The following RGS12 variants were observed in gnomAD, a reference collection of about 807,000 sequenced individuals.
The protein encoded by RGS12 is regulator of G-protein signaling 12.
A neutral mutation model predicts 120.1 loss-of-function variants in RGS12; 66 were observed. That is an observed-to-expected ratio of 0.55 (90% CI 0.45 to 0.67). RGS12 has a LOEUF of 0.67. Ranked by LOEUF, RGS12 falls within the 30% of genes least tolerant of loss-of-function variation. The pLI is 0.00. For missense variants in RGS12, 1,859 were observed against 1,957.7 expected (o/e 0.95, Z 0.95); for synonymous variants, 827 against 804.7 (o/e 1.03, Z -0.47).
At chr4:3,363,681 AC>A (rs1352897054) in intron 3 of RGS12, among the ~76,000 whole-genome samples, 1 of 151,858 alleles carries the variant, frequency 6.6e-6, no homozygotes, top group East Asian at 1.9e-4. Context: ...CAGCGCGTGG[AC>A]CTGCCGGCCC....
At position 3,414,852 on chromosome 4, in the gene RGS12, C is replaced by A; in HGVS notation, c.2283+8C>A. The A allele has an allele frequency of 6.2e-7, 1 of 1,603,158 alleles. No individual in the cohort carries two copies. Among genetic ancestry groups the A allele is most frequent in the South Asian group, 1.1e-5 (1 of 90,890 alleles). ...GCACATGACAAAAAGGAGGTAAGTC[C>A]ACGCTTGGGAAGTGGGGGCTGTGTG... On this transcript the variant is annotated splice_region_variant and intron_variant, in intron 6 of 17. Transcript: ENST00000336727.
rs1318970691 is a variant in RGS12, at chr4:3,389,044, G to C, written c.2020+2607G>C. Among the ~76,000 whole-genome samples, 1 of 152,212 alleles carries C rather than the reference G, an allele frequency of 6.6e-6. No homozygotes were observed. The highest frequency in any genetic ancestry group is 1.5e-5 in the Non-Finnish European group (1 of 68,052). ...ATTTTGTGTTCAACGAGCCGTGCCAGTGAGAGAGTTCGTGTTCATGCCACG... is the reference window on the plus strand; with the variant it reads ...ATTTTGTGTTCAACGAGCCGTGCCACTGAGAGAGTTCGTGTTCATGCCACG... On this transcript the variant is annotated intron_variant, in intron 4 of 17. Transcript: ENST00000336727. This position sits in a 1 kb window ranked among gnomAD's most constrained non-coding sequence, Gnocchi z 5.2.
intron 3 of RGS12, among the ~76,000 whole-genome samples, chr4:3,355,424 A>G (rs1325069314): frequency 6.6e-6 from 1 of 152,242 alleles, no homozygotes; most frequent in Non-Finnish European, 1.5e-5. Flanking sequence ...AAGTTTAAAA[A>G]GCTTGCAAAG....
chr4:3,296,693 C>G (rs144683464), intron 1 of RGS12, among the ~76,000 whole-genome samples: 1 of 152,316 alleles, frequency 6.6e-6, no homozygotes, highest in African/African-American at 2.4e-5. Flanking sequence ...CCATTGTGTG[C>G]GAGGAGCACC....
chr4:3,362,469 T>C (rs1429982938), intron 3 of RGS12, among the ~76,000 whole-genome samples: 7 of 130,402 alleles, frequency 5.4e-5, no homozygotes, highest in Non-Finnish European at 1.2e-4. Context: ...AGGGTGTGTG[T>C]GAGGGTGTGT....
At chr4:3,349,117 C>A (rs1007091749) in intron 3 of RGS12, among the ~76,000 whole-genome samples, 31 of 152,102 alleles carry the variant, frequency 2.0e-4, no homozygotes, top group Non-Finnish European at 3.7e-4. Flanking sequence ...CATAAGCGAC[C>A]ACGTTTTTTG....
At position 3,317,041 on chromosome 4, in the gene RGS12, G is replaced by A. The variant is rs139520416; in HGVS notation, c.871G>A (p.Val291Met). ...VQLSTDKAGV[V>M]AEYPAEKLAF... Reference sequence around the variant, plus strand: ...GCTGAGCACTGACAAGGCTGGAGTCGTGGCCGAGTACCCGGCCGAGAAGCT... The same window carrying A: ...GCTGAGCACTGACAAGGCTGGAGTCATGGCCGAGTACCCGGCCGAGAAGCT... The change falls in exon 2 of 18, where the codon GTG (valine) becomes ATG (methionine). Residue 291 changes from valine (V) to methionine (M), a missense_variant. Transcript: ENST00000336727. The A allele has an allele frequency of 2.8e-4, 455 of 1,613,682 alleles. No individual in the cohort carries two copies. The African/African-American group carries it at 4.5e-3, about 16-fold the overall frequency.
At chr4:3,419,511 T>TAAAC (rs34215346) in intron 9 of RGS12, 2 of 151,256 alleles carry the variant, frequency 1.3e-5, no homozygotes, top group African/African-American at 4.9e-5. Context: ...AATAAATAAA[T>TAAAC]GAAAGCAAAC....
chr4:3,429,113 G>A (rs909690938), intron 16 of RGS12, among the ~76,000 whole-genome samples: 1 of 152,242 alleles, frequency 6.6e-6, no homozygotes, highest in Non-Finnish European at 1.5e-5. Context: ...GCACCCAGGT[G>A]AGGGGAGGTG....
At position 3,371,746 on chromosome 4, in the gene RGS12, C is replaced by T. The variant is rs926403951; in HGVS notation, c.1999-14670C>T. On this transcript the variant is annotated intron_variant, in intron 3 of 17. Coordinates refer to ENST00000336727, the MANE Select transcript of RGS12 (RefSeq NM_001394154.1). Reference sequence around the variant, plus strand: ...CGAGGGGCTGGAAAGCCTCTGGGGTCGGCAGAATTGCTTCTCCTTCTAAGC... The same window carrying T: ...CGAGGGGCTGGAAAGCCTCTGGGGTTGGCAGAATTGCTTCTCCTTCTAAGC... Among the ~76,000 whole-genome samples the T allele has an allele frequency of 2.6e-5, 4 of 152,124 alleles. 1 individual carries two copies. The highest frequency in any genetic ancestry group is 2.0e-4 in the Admixed American group (3 of 15,288).
At chr4:3,367,170 A>G (rs563933087) in intron 3 of RGS12, among the ~76,000 whole-genome samples, 2 of 152,298 alleles carry the variant, frequency 1.3e-5, no homozygotes, top group South Asian at 4.1e-4. Flanking sequence ...GGGCGGTGAT[A>G]TGCAGGCCTG....
chr4:3,416,255 A>G, intron 7 of RGS12, 134 bp downstream of exon 7: 1 of 1,038,096 alleles, frequency 9.6e-7, no homozygotes, highest in Non-Finnish European at 1.4e-6. Flanking sequence ...AGAAACGCAG[A>G]CAGAAAGTGG....
chr4:3,433,796 A>G lies in RGS12; in HGVS notation c.4114+2841A>G, dbSNP rs1724564432. Among the ~76,000 whole-genome samples, 1 of 152,132 alleles carries G rather than the reference A, an allele frequency of 6.6e-6. No individual in the cohort carries two copies. The highest frequency in any genetic ancestry group is 6.5e-5 in the Admixed American group (1 of 15,278). ...CGTCTGTCTAGCCCCAGCACCACGC[A>G]CCGAGACCGAGACCATGCACCATGC... On this transcript the variant is annotated intron_variant, in intron 17 of 17. Transcript: ENST00000336727. This position sits in a 1 kb window ranked among gnomAD's most constrained non-coding sequence, Gnocchi z 4.4.
At chr4:3,371,956 C>T (rs958955868) in intron 3 of RGS12, among the ~76,000 whole-genome samples, 3 of 152,094 alleles carry the variant, frequency 2.0e-5, no homozygotes, top group African/African-American at 4.8e-5. Context: ...GGGGAGCTGC[C>T]GGGATTTCCA....
intron 3 of RGS12, among the ~76,000 whole-genome samples, chr4:3,350,667 GAAATAACCTATCTCA>G (rs908224643): frequency 6.6e-6 from 1 of 151,722 alleles, no homozygotes; most frequent in Admixed American, 6.6e-5. Context: ...GGGTGACAGA[GAAATAACCTATCTCA>G]AAAAAACAAA....
chr4:3,437,079 A>G (rs1171176494), intron 17 of RGS12, among the ~76,000 whole-genome samples: 3 of 152,082 alleles, frequency 2.0e-5, no homozygotes, highest in Non-Finnish European at 4.4e-5. Context: ...GCTGGGCAAG[A>G]AGGTGCTCCC....
rs2110346256 is a variant in RGS12 at position 3,295,857 on chromosome 4, C to T, written c.-102+2758C>T. Among the ~76,000 whole-genome samples the T allele has an allele frequency of 2.0e-5, 3 of 152,276 alleles. No individual in the cohort carries two copies. The South Asian group carries it at 6.2e-4, about 32-fold the overall frequency. ...TTGGTGGAATTCCTAGAAACATTTCCCTTCCCAGTTGTATGAGTTTCCTAT... is the reference window on the plus strand; with the variant it reads ...TTGGTGGAATTCCTAGAAACATTTCTCTTCCCAGTTGTATGAGTTTCCTAT... On this transcript the variant is annotated intron_variant, in intron 1 of 17. Transcript: ENST00000336727.
intron 4 of RGS12, among the ~76,000 whole-genome samples, chr4:3,409,957 T>C (rs1048542288): frequency 3.9e-5 from 6 of 152,244 alleles, no homozygotes; most frequent in African/African-American, 1.4e-4. Context: ...AACTTCGTGC[T>C]GCTCCGTGCT....
intron 1 of RGS12, among the ~76,000 whole-genome samples, chr4:3,306,694 G>A (rs1723985280): frequency 6.6e-6 from 1 of 152,212 alleles, no homozygotes; most frequent in African/African-American, 2.4e-5. Context: ...GCAGGGGACC[G>A]AGCAGGGAGC....
Sources: allele counts gnomAD v4.1 joint callset (sites outside exome capture counted in the v4.1 genomes callset), GRCh38; gene constraint gnomAD v4.1.1; non-coding constraint Gnocchi (gnomAD v3.1); transcripts MANE v1.5; gene names NCBI Gene and HGNC (gene_info 2026-07-23, HGNC 2026-07-21).